Variants in PPM1E observed in about 807,000 individuals in gnomAD.
PPM1E encodes protein phosphatase 1E.
A neutral mutation model predicts 65.9 loss-of-function variants in PPM1E; 20 were observed. The observed-to-expected ratio is 0.30, with a 90% CI of 0.21 to 0.44. The LOEUF is 0.44. PPM1E is among the 20% of genes least tolerant of loss of function. PPM1E has a pLI of 1.00. For missense variants in PPM1E, 713 were observed against 953.1 expected, an observed-to-expected ratio of 0.75 and a Z score of 3.32; for synonymous variants, 352 against 374.9, an observed-to-expected ratio of 0.94 and a Z score of 0.70.
chr17:58,959,949 T>C (rs2029980301), intron 2 of PPM1E, among the ~76,000 whole-genome samples: 1 of 152,214 alleles, frequency 6.6e-6, no homozygotes, highest in Admixed American at 6.5e-5. Flanking sequence ...AAATATTCTT[T>C]ATAAAGTAGG....
chr17:58,859,249 T>C (rs1195311885), intron 1 of PPM1E, among the ~76,000 whole-genome samples: 1 of 152,178 alleles, frequency 6.6e-6, no homozygotes, highest in Non-Finnish European at 1.5e-5. Context: ...TCTGAGGGGA[T>C]CTTCTCTCTG....
At chr17:58,979,449 C>T (rs144703131) in intron 6 of PPM1E, among the ~76,000 whole-genome samples, 1 of 152,260 alleles carries the variant, frequency 6.6e-6, no homozygotes, top group East Asian at 1.9e-4. Flanking sequence ...AACCTTCCTT[C>T]GTGCTCGCAG....
chr17:58,972,066 C>A, intron 4 of PPM1E, 66 bp from the exon 5 acceptor site: 1 of 1,460,798 alleles, frequency 6.8e-7, no homozygotes. Context: ...TTATAAATTG[C>A]TTCTCAATAA....
chr17:58,795,378 G>T (rs1053913202), intron 1 of PPM1E, among the ~76,000 whole-genome samples: 8 of 152,116 alleles, frequency 5.3e-5, no homozygotes, highest in Non-Finnish European at 1.2e-4. Context: ...CCACAACCTT[G>T]CCAGCATCTG....
intron 1 of PPM1E, among the ~76,000 whole-genome samples, chr17:58,930,284 CAG>C (rs374498429): frequency 5.3e-5 from 8 of 150,832 alleles, no homozygotes; most frequent in Admixed American, 2.7e-4. Flanking sequence ...CACACACACA[CAG>C]ACACACACAC....
chr17:58,931,546 A>G (rs1257971553), intron 1 of PPM1E, among the ~76,000 whole-genome samples: 1 of 152,180 alleles, frequency 6.6e-6, no homozygotes, highest in Non-Finnish European at 1.5e-5. Flanking sequence ...AATTATAATA[A>G]GGCACAACCT....
intron 2 of PPM1E, among the ~76,000 whole-genome samples, chr17:58,959,468 G>A (rs1386668294): frequency 1.3e-5 from 2 of 151,620 alleles, no homozygotes; most frequent in Non-Finnish European, 2.9e-5. Flanking sequence ...GCATGGTGGC[G>A]GGCGCCTGTA....
At chr17:58,768,248 T>G (rs1053126677) in intron 1 of PPM1E, among the ~76,000 whole-genome samples, 3 of 151,960 alleles carry the variant, frequency 2.0e-5, no homozygotes, top group Non-Finnish European at 2.9e-5. Context: ...CACTGTGCCC[T>G]GCTATTTTTT....
intron 1 of PPM1E, among the ~76,000 whole-genome samples, chr17:58,933,392 A>G (rs2051928337): frequency 6.6e-6 from 1 of 152,242 alleles, no homozygotes; most frequent in South Asian, 2.1e-4. Flanking sequence ...ATATTGATAA[A>G]GCAAGAAATC....
intron 1 of PPM1E, among the ~76,000 whole-genome samples, chr17:58,762,987 G>C (rs1255892949): frequency 6.6e-6 from 1 of 151,646 alleles, no homozygotes; most frequent in African/African-American, 2.4e-5. Flanking sequence ...TGTAGATCTA[G>C]TTCTTTCATT....
Position 58,759,337 on chromosome 17 carries a change from G to A in PPM1E, c.464+2876G>A, listed in dbSNP as rs187479661. On this transcript the variant is annotated intron_variant, in intron 1 of 6. Transcript: ENST00000308249. ...ATTAAAATAATTTCAATGACAATCTGAGAATTTCTGAGGTTAAGGAGAGGC... is the reference window on the plus strand; with the variant it reads ...ATTAAAATAATTTCAATGACAATCTAAGAATTTCTGAGGTTAAGGAGAGGC... Among the ~76,000 whole-genome samples, 684 of 152,294 alleles carry A rather than the reference G, an allele frequency of 4.5e-3. 3 individuals are homozygous for A. Among genetic ancestry groups the A allele is most frequent in the African/African-American group, 0.016 (648 of 41,568 alleles).
intron 1 of PPM1E, among the ~76,000 whole-genome samples, chr17:58,798,311 C>T (rs1440677036): frequency 4.6e-5 from 7 of 150,560 alleles, no homozygotes; most frequent in African/African-American, 1.7e-4. Flanking sequence ...TTGCTGCAAC[C>T]TCCACCTCCC....
chr17:58,948,318 C>T (rs1038787853), intron 1 of PPM1E, among the ~76,000 whole-genome samples: 1 of 152,096 alleles, frequency 6.6e-6, no homozygotes, highest in African/African-American at 2.4e-5. Context: ...CACATCCTTC[C>T]CATGTGCTAA....
At chr17:58,873,182 A>G (rs940440400) in intron 1 of PPM1E, among the ~76,000 whole-genome samples, 1 of 152,148 alleles carries the variant, frequency 6.6e-6, no homozygotes, top group Admixed American at 6.5e-5. Context: ...TTGTAAGTTG[A>G]TATGATTTAT....
At chr17:58,813,922 T>C (rs904612892) in intron 1 of PPM1E, among the ~76,000 whole-genome samples, 41 of 152,184 alleles carry the variant, frequency 2.7e-4, no homozygotes, top group Admixed American at 2.7e-3. Context: ...AGTGGGTGTT[T>C]GTTATGCACA....
At chr17:58,770,897 G>A (rs1023559243) in intron 1 of PPM1E, among the ~76,000 whole-genome samples, 2 of 145,910 alleles carry the variant, frequency 1.4e-5, no homozygotes, top group Non-Finnish European at 3.0e-5. Flanking sequence ...TCACTTTGTC[G>A]CCAGGCTGGA....
At chr17:58,966,614 A>G (rs1325209636) in intron 3 of PPM1E, 1 of 167,708 alleles carries the variant, frequency 6.0e-6, no homozygotes, top group Non-Finnish European at 1.3e-5. Context: ...ATTATATTTC[A>G]TAAATCTCTG....
rs1457528132 is a variant in PPM1E, at chr17:58,837,336, C to CAT, written c.464+80876_464+80877insTA. 1.5e-3 allele frequency among the ~76,000 whole-genome samples: 227 copies of CAT among 146,462 alleles called. 1 individual carries two copies. Among genetic ancestry groups the CAT allele is most frequent in the African/African-American group, 4.3e-3 (173 of 39,970 alleles). On this transcript the variant is annotated intron_variant, in intron 1 of 6. Coordinates refer to ENST00000308249, the MANE Select transcript of PPM1E (RefSeq NM_014906.5). ...AATGAGAATAACACACACACATACA[C>CAT]ACACACACACACACACACACACACT...
At chr17:58,894,697 C>T (rs887853796) in intron 1 of PPM1E, among the ~76,000 whole-genome samples, 2 of 152,134 alleles carry the variant, frequency 1.3e-5, no homozygotes, top group South Asian at 2.1e-4. Context: ...TACACACAAA[C>T]ACACATACAC....
Sources: allele counts gnomAD v4.1 joint callset (sites outside exome capture counted in the v4.1 genomes callset), GRCh38; gene constraint gnomAD v4.1.1; transcripts MANE v1.5; gene names NCBI Gene and HGNC (gene_info 2026-07-23, HGNC 2026-07-21).